The following NCAM2 variants were observed in gnomAD, a reference collection of about 807,000 sequenced individuals.
NCAM2 encodes the protein neural cell adhesion molecule 2.
Under a neutral mutation model 98.1 loss-of-function variants are expected in NCAM2, and 30 were observed. The ratio of observed to expected loss-of-function variants is 0.31; its 90% CI spans 0.23 to 0.41. NCAM2 has a LOEUF of 0.41. Among genes scored for constraint, NCAM2 ranks in the 10% least tolerant of loss-of-function variants. The pLI is 1.00. For missense variants in NCAM2, 867 were observed against 1,005.8 expected (o/e 0.86, Z 1.87); for synonymous variants, 368 against 342.4 (o/e 1.07, Z -0.83).
chr21:21,095,795 A>G (rs1312964937), intron 1 of NCAM2, among the ~76,000 whole-genome samples: 2 of 151,588 alleles, frequency 1.3e-5, no homozygotes, highest in East Asian at 3.9e-4. Flanking sequence ...ATTTCTCAGA[A>G]CTACTAGCTT....
chr21:21,060,799 C>T (rs982485907), intron 1 of NCAM2, among the ~76,000 whole-genome samples: 11 of 152,038 alleles, frequency 7.2e-5, no homozygotes, highest in Admixed American at 1.3e-4. Context: ...AGAGCAGGTA[C>T]AGTGGAAGAA....
chr21:21,446,374 C>T (rs1980139062), intron 12 of NCAM2, among the ~76,000 whole-genome samples: 1 of 151,992 alleles, frequency 6.6e-6, no homozygotes, highest in Non-Finnish European at 1.5e-5. Flanking sequence ...TGCATGTTGG[C>T]CTGTCTTGCT....
intron 8 of NCAM2, among the ~76,000 whole-genome samples, chr21:21,352,727 A>G (rs901326119): frequency 6.7e-6 from 1 of 149,886 alleles, no homozygotes; most frequent in African/African-American, 2.5e-5. Flanking sequence ...GTGTTTTTCT[A>G]GTTATACATT....
At chr21:21,295,078 C>T (rs2073427948) in intron 5 of NCAM2, among the ~76,000 whole-genome samples, 1 of 151,724 alleles carries the variant, frequency 6.6e-6, no homozygotes, top group Non-Finnish European at 1.5e-5. Flanking sequence ...TTTCATTCAT[C>T]TTCTTCCACC....
chr21:21,052,793 G>A (rs934522907), intron 1 of NCAM2, among the ~76,000 whole-genome samples: 3 of 152,038 alleles, frequency 2.0e-5, no homozygotes, highest in African/African-American at 4.8e-5. Flanking sequence ...CAATTATTGC[G>A]TAGTACCTAT....
At chr21:21,161,654 G>T (rs1569093337) in intron 1 of NCAM2, among the ~76,000 whole-genome samples, 1 of 151,634 alleles carries the variant, frequency 6.6e-6, no homozygotes, top group Non-Finnish European at 1.5e-5. Flanking sequence ...AAATATTTAT[G>T]CAATATCCTG....
chr21:21,268,440 T>G (rs1292682901), intron 1 of NCAM2, among the ~76,000 whole-genome samples: 3 of 152,232 alleles, frequency 2.0e-5, no homozygotes, highest in African/African-American at 7.2e-5. Flanking sequence ...TTTGCTTCCT[T>G]GCAGTGTTTA....
At chr21:21,240,475 G>T (rs1003483418) in intron 1 of NCAM2, among the ~76,000 whole-genome samples, 1 of 152,054 alleles carries the variant, frequency 6.6e-6, no homozygotes, top group Non-Finnish European at 1.5e-5. Flanking sequence ...CAAAGGGAAG[G>T]CTACGTCAGT....
At position 21,443,319 on chromosome 21, in the gene NCAM2, A is replaced by G. The variant is rs569619225; in HGVS notation, c.1654+11038A>G. On this transcript the variant is annotated intron_variant, in intron 12 of 17. Coordinates refer to ENST00000400546, the MANE Select transcript of NCAM2 (RefSeq NM_004540.5). The stretch of plus-strand genomic sequence containing the variant: ...AGGGATAACATTAGGAGAAATACCT[A>G]ATGTAAATGACGAGTTGATGGGTGC... Among the ~76,000 whole-genome samples, 17 of 152,258 alleles carry G rather than the reference A, an allele frequency of 1.1e-4. No homozygotes were observed. In the South Asian group the frequency reaches 3.5e-3, roughly 32 times the overall value.
chr21:21,349,921 G>A (rs2075289710), intron 8 of NCAM2, among the ~76,000 whole-genome samples: 1 of 152,146 alleles, frequency 6.6e-6, no homozygotes, highest in Non-Finnish European at 1.5e-5. Flanking sequence ...ACCAGATGAT[G>A]GGAAGTATAG....
In NCAM2 at chr21:21,387,934, A is replaced by C. The variant is rs533361857; in HGVS notation, c.1195+13921A>C. Among the ~76,000 whole-genome samples the C allele has an allele frequency of 7.9e-5, 12 of 152,340 alleles. 1 individual carries two copies. The South Asian group carries it at 2.5e-3, about 32-fold the overall frequency. On this transcript the variant is annotated intron_variant, in intron 9 of 17. Transcript: ENST00000400546. The stretch of plus-strand genomic sequence containing the variant: ...AGTGAGACACATCAGTCAGCTTGCC[A>C]TAATAATTATGCATCATAAACACCC...
intron 5 of NCAM2, among the ~76,000 whole-genome samples, chr21:21,310,558 A>C (rs1426072641): frequency 6.6e-6 from 1 of 152,220 alleles, no homozygotes. Flanking sequence ...TCAGGAACTG[A>C]CTTCTCCAGG....
chr21:21,473,373 A>AATATATATATATATATATATAT (rs57318222), intron 14 of NCAM2, among the ~76,000 whole-genome samples: 198 of 140,442 alleles, frequency 1.4e-3, no homozygotes, highest in African/African-American at 4.7e-3. Flanking sequence ...TATATGTATA[A>AATATATATATATATATATATAT]ATATATATAT....
At chr21:21,429,658 A>G (rs2077287190) in intron 11 of NCAM2, among the ~76,000 whole-genome samples, 1 of 152,254 alleles carries the variant, frequency 6.6e-6, no homozygotes, top group Non-Finnish European at 1.5e-5. Flanking sequence ...TTAAGGAAAC[A>G]TGAAAATTAT....
intron 1 of NCAM2, among the ~76,000 whole-genome samples, chr21:21,053,638 C>T (rs984349218): frequency 1.2e-4 from 18 of 149,510 alleles, no homozygotes; most frequent in African/African-American, 3.2e-4. Flanking sequence ...ATTTCTAATG[C>T]GCTATCATTT....
At chr21:21,198,042 A>G (rs964503787) in intron 1 of NCAM2, among the ~76,000 whole-genome samples, 4 of 151,964 alleles carry the variant, frequency 2.6e-5, no homozygotes, top group African/African-American at 9.7e-5. Context: ...GGTTCATATC[A>G]CTCTTATGGG....
intron 1 of NCAM2, among the ~76,000 whole-genome samples, chr21:21,034,651 CTT>C (rs541314689): frequency 1.4e-4 from 21 of 152,216 alleles, no homozygotes; most frequent in African/African-American, 2.6e-4. Flanking sequence ...TTGAAAGAAA[CTT>C]AAGTTTTAGA....
intron 1 of NCAM2, among the ~76,000 whole-genome samples, chr21:21,248,776 C>CAAAAAAAAAAAAAAA (rs1171857115): frequency 3.9e-5 from 2 of 50,654 alleles, no homozygotes; most frequent in African/African-American, 1.7e-4. Flanking sequence ...GACTCTGTCT[C>CAAAAAAAAAAAAAAA]AAAAAAAAAA....
intron 9 of NCAM2, among the ~76,000 whole-genome samples, chr21:21,402,787 C>G (rs2076660351): frequency 1.3e-5 from 2 of 152,054 alleles, no homozygotes; most frequent in Admixed American, 1.3e-4. Context: ...GTGGCTGACA[C>G]TTAGGGAAAA....
Sources: gnomAD v4.1 joint callset for allele counts (sites outside exome capture counted in the v4.1 genomes callset) on GRCh38, gnomAD v4.1.1 for gene constraint, MANE v1.5 for transcripts, NCBI Gene and HGNC (gene_info 2026-07-23, HGNC 2026-07-21) for gene names.